Variants in PPL observed in about 807,000 individuals in gnomAD.
PPL encodes the protein 190 kDa paraneoplastic pemphigus antigen.
Under a neutral mutation model 194.4 loss-of-function variants are expected in PPL, and 198 were observed. The observed-to-expected ratio is 1.02, with a 90% CI of 0.91 to 1.15. The LOEUF is 1.15. Among genes scored for constraint, PPL ranks in the 50% most tolerant of loss-of-function variants. The probability of loss-of-function intolerance (pLI) is 0.00; values close to 1 mark genes in which losing one functional copy is unlikely to be tolerated. For missense variants in PPL, 2,885 were observed against 2,294.8 expected, an observed-to-expected ratio of 1.26 and a Z score of -5.25; for synonymous variants, 1,220 against 972.4, an observed-to-expected ratio of 1.25 and a Z score of -4.74.
chr16:4,899,433 C>T lies in PPL; in HGVS notation c.607-49G>A, dbSNP rs374613516. ...GGGCTGCGTCCTCAGCCCGCTGCCACTGCTCGCTTCCTTCCCTACCTCCTG... is the reference window on the plus strand; with the variant it reads ...GGGCTGCGTCCTCAGCCCGCTGCCATTGCTCGCTTCCTTCCCTACCTCCTG... On this transcript the variant is annotated intron_variant, in intron 6 of 21. Transcript: ENST00000345988. 1.3e-5 allele frequency: 15 copies of T among 1,192,932 alleles called. No individual in the cohort carries two copies. The Admixed American group carries it at 2.6e-4, about 21-fold the overall frequency. The allele number at this position is 1,192,932 out of a possible 1,614,324, so 73.9% of individuals were successfully genotyped here. A position where few individuals can be genotyped will look rare whatever the true frequency, so the allele number is the denominator to read the frequency against.
At chr16:4,925,551 C>T (rs570895445) in intron 1 of PPL, among the ~76,000 whole-genome samples, 1 of 152,196 alleles carries the variant, frequency 6.6e-6, no homozygotes, top group Admixed American at 6.5e-5. Context: ...AACTTACTCA[C>T]CTTTTTGGGG....
chr16:4,912,536 G>C (rs1200553359), intron 1 of PPL, among the ~76,000 whole-genome samples: 3 of 152,228 alleles, frequency 2.0e-5, no homozygotes, highest in African/African-American at 7.2e-5. Flanking sequence ...TTTTGTGTGA[G>C]CAGTCTTATT....
intron 18 of PPL, among the ~76,000 whole-genome samples, 183 bp from the exon 19 acceptor site, chr16:4,889,244 T>TTG (rs2088275497): frequency 2.2e-4 from 4 of 17,792 alleles, no homozygotes; most frequent in Non-Finnish European, 2.9e-4. Context: ...TGTTGTTGTT[T>TTG]TTTTTTTTTT....
rs1003113422 is a variant in PPL, at chr16:4,897,860, G to A, written c.877-90C>T. On this transcript the variant is annotated intron_variant, in intron 8 of 21. Transcript: ENST00000345988. ...CTGGGATATTGGGCTGGGGCATGGC[G>A]GGGGAGGGAGGCATCTGGCATCTGT... The A allele has an allele frequency of 1.4e-5, 14 of 997,908 alleles. No individual in the cohort carries two copies. In the Middle Eastern group the frequency reaches 8.8e-4, roughly 62 times the overall value. 61.8% of individuals were successfully genotyped at this position (997,908 alleles called of 1,614,324 possible). A position where few individuals can be genotyped will look rare whatever the true frequency, so the allele number is the denominator to read the frequency against.
At chr16:4,892,827 G>C (rs1225202585) in intron 14 of PPL, 1 of 178,744 alleles carries the variant, frequency 5.6e-6, no homozygotes, top group Non-Finnish European at 1.2e-5. Context: ...CCCTGTCCTC[G>C]CCACTGCCCT....
intron 11 of PPL, among the ~76,000 whole-genome samples, chr16:4,894,921 G>A (rs912858040): frequency 2.0e-5 from 3 of 152,150 alleles, no homozygotes; most frequent in Admixed American, 6.5e-5. Flanking sequence ...ACTGGCATTC[G>A]CCAGCCACAG....
chr16:4,921,326 A>G (rs2142408633), intron 1 of PPL, among the ~76,000 whole-genome samples: 1 of 152,292 alleles, frequency 6.6e-6, no homozygotes, highest in East Asian at 1.9e-4. Flanking sequence ...CGCAGGCTTG[A>G]GCCTGAACAG....
chr16:4,933,441 T>C (rs1337695844), intron 1 of PPL, among the ~76,000 whole-genome samples: 1 of 152,132 alleles, frequency 6.6e-6, no homozygotes, highest in Non-Finnish European at 1.5e-5. Flanking sequence ...CTATGTTTCT[T>C]TTCAAGCAGA....
intron 1 of PPL, among the ~76,000 whole-genome samples, chr16:4,923,857 G>A (rs1048464014): frequency 6.6e-5 from 10 of 152,142 alleles, no homozygotes; most frequent in African/African-American, 2.4e-4. Flanking sequence ...CTCTTCCTCC[G>A]TGTCACTGGT....
At chr16:4,886,899 G>C (rs927145070) in intron 21 of PPL, among the ~76,000 whole-genome samples, 3 of 152,238 alleles carry the variant, frequency 2.0e-5, no homozygotes, top group Non-Finnish European at 4.4e-5. Flanking sequence ...GATTACAAGC[G>C]TGAGCCACCA....
chr16:4,890,197 A>G lies in PPL; in HGVS notation c.2300T>C (p.Leu767Pro), dbSNP rs1287932748. Residue 767 changes from leucine (L) to proline (P), a missense_variant, in exon 18 of 22, where the codon CTG becomes CCG. Leu to Pro is a moderately conservative substitution (Grantham distance 98). Transcript: ENST00000345988. ...TDSLSQMETK[L>P]KNQKNLLDEI... is the part of the protein sequence containing the mutation. ...CGGCCATCTCACCTTCTGGTTCTTC[A>G]GCTTGGTCTCCATCTGGCTGAGGCT... 1.2e-6 allele frequency: 2 copies of G among 1,614,080 alleles called. No individual in the cohort carries two copies. The highest frequency in any genetic ancestry group is 1.7e-4 in the Middle Eastern group (1 of 6,042).
Position 4,888,127 on chromosome 16 carries a change from G to C in PPL, c.2489C>G (p.Ser830Cys), listed in dbSNP as rs967408719. 3 of 1,613,832 alleles carry C rather than the reference G, an allele frequency of 1.9e-6. No homozygotes were observed. Among genetic ancestry groups the C allele is most frequent in the Non-Finnish European group, 2.5e-6 (3 of 1,179,704 alleles). ...CTCTTCCTTCACTTTGGTGGCAGGA[G>C]ATTGGAGCCTGGCTCTCTTGCTCAC... ...SHVSKRARLQ[S>C]PATKVKEEEA... The change falls in exon 20 of 22, where the codon TCT becomes TGT. Residue 830 changes from serine to cysteine, a missense_variant. By Grantham distance (112) the Ser-to-Cys change is moderately radical (BLOSUM62 -1). Transcript: ENST00000345988.
At chr16:4,903,835 G>A (rs1406778593) in intron 3 of PPL, 51 bp downstream of exon 3, 1 of 1,603,886 alleles carries the variant, frequency 6.2e-7, no homozygotes, top group Admixed American at 1.7e-5. Flanking sequence ...CCCCCGCCCT[G>A]GCCCATAGCC....
Position 4,885,443 on chromosome 16 carries a change from T to C in PPL, c.3212A>G (p.Gln1071Arg). 1 of 1,612,612 alleles carries C rather than the reference T, an allele frequency of 6.2e-7. No homozygotes were observed. The highest frequency in any genetic ancestry group is 8.5e-7 in the Non-Finnish European group (1 of 1,179,960). Residue 1071 changes from glutamine to arginine, a missense_variant, in exon 22 of 22, where the codon CAG becomes CGG. By Grantham distance (43) the Gln-to-Arg change is conservative. Coordinates refer to ENST00000345988, the MANE Select transcript of PPL (RefSeq NM_002705.5). This position sits in a 1 kb window ranked among gnomAD's most constrained non-coding sequence, Gnocchi z 6.3. ...GCGCTGGTGGTCCTCCTGCAGCTGCTGGTACTCTGCCTCCAGCTGGGGGTC... is the reference window on the plus strand; with the variant it reads ...GCGCTGGTGGTCCTCCTGCAGCTGCCGGTACTCTGCCTCCAGCTGGGGGTC... ...QNDPQLEAEY[Q>R]QLQEDHQRQD... is the part of the protein sequence containing the mutation.
Position 4,883,653 on chromosome 16 carries a change from C to T in PPL, c.5002G>A (p.Glu1668Lys), listed in dbSNP as rs532013525. Residue 1668 changes from glutamate to lysine, a missense_variant, in exon 22 of 22, where the codon GAG (glutamate) becomes AAG (lysine). Transcript: ENST00000345988. The surrounding 1 kb of genome is among the most constrained non-coding windows in gnomAD (Gnocchi z 4.8). ...CGGTGGGCTTCCTCCGGGGACAGCTCGCGGCCTGTGTCAGGGTGGATGACT... is the reference window on the plus strand; with the variant it reads ...CGGTGGGCTTCCTCCGGGGACAGCTTGCGGCCTGTGTCAGGGTGGATGACT... ...IVVIHPDTGR[E>K]LSPEEAHRAG... 12 of 1,614,050 alleles carry T rather than the reference C, an allele frequency of 7.4e-6. No homozygotes were observed. The highest frequency in any genetic ancestry group is 5.0e-5 in the Admixed American group (3 of 59,996).
rs367716419 is a variant in PPL at position 4,899,039 on chromosome 16, C to T, written c.850G>A (p.Glu284Lys). The change falls in exon 8 of 22, where the codon GAG becomes AAG. Residue 284 changes from glutamate (E) to lysine (K), a missense_variant. Glu to Lys is a moderately conservative substitution (Grantham distance 56, BLOSUM62 1). Coordinates refer to ENST00000345988, the MANE Select transcript of PPL (RefSeq NM_002705.5). ...TCAATGGAGTTCCTCCCGGGGTGCT[C>T]GGCCGCCAGCAGCTGGTCGCCCTCG... Reference protein sequence around the residue: ...HSEGDQLLAAEHPGRNSIEAH... With the variant: ...HSEGDQLLAAKHPGRNSIEAH... The T allele has an allele frequency of 1.9e-5, 30 of 1,574,534 alleles. No individual in the cohort carries two copies. The highest frequency in any genetic ancestry group is 1.8e-4 in the African/African-American group (13 of 73,566).
At position 4,884,128 on chromosome 16, in the gene PPL, C is replaced by G; in HGVS notation, c.4527G>C (p.Lys1509Asn). Residue 1509 changes from lysine (K) to asparagine (N), a missense_variant, in exon 22 of 22, where the codon AAG (lysine) becomes AAC (asparagine). Lys to Asn is a moderately conservative substitution (Grantham distance 94). Transcript: ENST00000345988. This position sits in a 1 kb window ranked among gnomAD's most constrained non-coding sequence, Gnocchi z 5.7. ...VVLSESVQVE[K>N]GDTEQEIQRL... ...TCTGGATCTCTTGCTCGGTGTCGCC[C>G]TTCTCCACCTGGACACTCTCGGAGA... 1 of 1,613,702 alleles carries G rather than the reference C, an allele frequency of 6.2e-7. No individual in the cohort carries two copies. Among genetic ancestry groups the G allele is most frequent in the Non-Finnish European group, 8.5e-7 (1 of 1,180,024 alleles).
Position 4,892,762 on chromosome 16 carries a change from T to C in PPL, c.1650+451A>G, listed in dbSNP as rs915113029. On this transcript the variant is annotated intron_variant, in intron 14 of 21. Transcript: ENST00000345988. ...CCTTGAGGATGTGGGAGACTTTGTA[T>C]AGGAAAGGAGGTGGGGGGAGGTGGC... The C allele has an allele frequency of 6.7e-5, 11 of 164,850 alleles. No homozygotes were observed. The Admixed American group carries it at 6.8e-4, about 10-fold the overall frequency. 10.2% of individuals were successfully genotyped at this position (164,850 alleles called of 1,614,324 possible). A position where few individuals can be genotyped will look rare whatever the true frequency, so the allele number is the denominator to read the frequency against.
chr16:4,898,959 G>A, intron 8 of PPL, 54 bp downstream of exon 8: 1 of 1,492,842 alleles, frequency 6.7e-7, no homozygotes, highest in South Asian at 1.1e-5. Context: ...CCCACAGGCA[G>A]CGGCCAACCA....
Sources: gnomAD v4.1 joint callset for allele counts (sites outside exome capture counted in the v4.1 genomes callset) on GRCh38, gnomAD v4.1.1 for gene constraint, Gnocchi (gnomAD v3.1) non-coding constraint, MANE v1.5 for transcripts, NCBI Gene and HGNC (gene_info 2026-07-23, HGNC 2026-07-21) for gene names.